FAF1: variants seen among roughly 807,000 people sequenced by gnomAD.
The protein encoded by FAF1 is Fas associated factor 1, also known as FAS-associated factor 1.
In FAF1, 25 loss-of-function variants were observed where a neutral mutation model predicts 92.5. That is an observed-to-expected ratio of 0.27 (90% CI 0.20 to 0.38). FAF1 has a LOEUF of 0.38. Ranked by LOEUF, FAF1 falls within the 10% of genes least tolerant of loss-of-function variation. The pLI, the probability that FAF1 is intolerant of heterozygous loss-of-function variation, is 1.00. For missense variants in FAF1, 636 were observed against 793.3 expected, an observed-to-expected ratio of 0.80 and a Z score of 2.38; for synonymous variants, 234 against 273.2, an observed-to-expected ratio of 0.86 and a Z score of 1.42.
At chr1:50,544,916 T>C (rs1237655707) in intron 13 of FAF1, among the ~76,000 whole-genome samples, 1 of 152,164 alleles carries the variant, frequency 6.6e-6, no homozygotes, top group Admixed American at 6.6e-5. Context: ...GGAAAGTATC[T>C]AGCATATTTG....
intron 5 of FAF1, among the ~76,000 whole-genome samples, chr1:50,742,694 T>C (rs973285959): frequency 1.3e-5 from 2 of 152,232 alleles, no homozygotes; most frequent in Non-Finnish European, 2.9e-5. Flanking sequence ...GACTGATTCA[T>C]ACCCACAGGT....
intron 1 of FAF1, among the ~76,000 whole-genome samples, chr1:50,915,653 C>A (rs116086296): frequency 3.0e-4 from 46 of 151,920 alleles, no homozygotes; most frequent in African/African-American, 1.1e-3. Flanking sequence ...CCACAAGGAA[C>A]CTCCCAGTTC....
At chr1:50,484,536 A>G (rs1646740980) in intron 17 of FAF1, among the ~76,000 whole-genome samples, 1 of 152,180 alleles carries the variant, frequency 6.6e-6, no homozygotes, top group South Asian at 2.1e-4. Flanking sequence ...AAGATAATTA[A>G]TGCCTATAAA....
At chr1:50,871,125 C>T (rs1254797888) in intron 1 of FAF1, among the ~76,000 whole-genome samples, 2 of 152,180 alleles carry the variant, frequency 1.3e-5, no homozygotes, top group Non-Finnish European at 2.9e-5. Flanking sequence ...TAATGCAGAG[C>T]AAGGACCAAA....
chr1:50,952,654 G>C (rs1336834385), intron 1 of FAF1, among the ~76,000 whole-genome samples: 1 of 152,074 alleles, frequency 6.6e-6, no homozygotes, highest in East Asian at 1.9e-4. Context: ...ATCCCGTCTA[G>C]GAAGTGAGGA....
intron 18 of FAF1, among the ~76,000 whole-genome samples, chr1:50,474,833 C>A (rs1198181421): frequency 6.6e-6 from 1 of 152,186 alleles, no homozygotes; most frequent in Non-Finnish European, 1.5e-5. Context: ...AGATTAAATA[C>A]AGAGCCTCTT....
At chr1:50,779,326 G>A (rs903560801) in intron 4 of FAF1, among the ~76,000 whole-genome samples, 9 of 152,094 alleles carry the variant, frequency 5.9e-5, no homozygotes, top group African/African-American at 2.2e-4. Context: ...TGTTCTTCAT[G>A]GTATCTTAGA....
intron 18 of FAF1, among the ~76,000 whole-genome samples, chr1:50,468,598 T>A (rs1447264967): frequency 2.0e-5 from 3 of 152,128 alleles, no homozygotes; most frequent in African/African-American, 7.2e-5. Flanking sequence ...TAGCTGGGAT[T>A]ACAGGCGCCT....
At chr1:50,934,753 A>T (rs1054086023) in intron 1 of FAF1, among the ~76,000 whole-genome samples, 1 of 152,208 alleles carries the variant, frequency 6.6e-6, no homozygotes, top group Non-Finnish European at 1.5e-5. Flanking sequence ...AAAAAATTTT[A>T]AAGTCTTCAC....
chr1:50,665,509 T>C (rs1436061627), intron 7 of FAF1, among the ~76,000 whole-genome samples: 1 of 152,208 alleles, frequency 6.6e-6, no homozygotes, highest in Non-Finnish European at 1.5e-5. Context: ...GTTATTAAAG[T>C]GATGAACCAG....
intron 18 of FAF1, among the ~76,000 whole-genome samples, chr1:50,445,069 T>C (rs1374265110): frequency 6.6e-6 from 1 of 152,220 alleles, no homozygotes; most frequent in Non-Finnish European, 1.5e-5. Flanking sequence ...GTAGGTTATC[T>C]GAGGTAGGGA....
chr1:50,466,092 T>C (rs1181750303), intron 18 of FAF1, among the ~76,000 whole-genome samples: 2 of 152,124 alleles, frequency 1.3e-5, no homozygotes, highest in African/African-American at 4.8e-5. Context: ...GGATCACAGA[T>C]GGAGGCAGAG....
At chr1:50,826,597 A>G (rs2124626978) in intron 2 of FAF1, among the ~76,000 whole-genome samples, 1 of 152,212 alleles carries the variant, frequency 6.6e-6, no homozygotes, top group East Asian at 1.9e-4. Context: ...TAAAATTAAT[A>G]CACCCTTGGC....
intron 2 of FAF1, among the ~76,000 whole-genome samples, chr1:50,836,658 CA>C (rs1644208139): frequency 6.6e-6 from 1 of 152,180 alleles, no homozygotes; most frequent in African/African-American, 2.4e-5. Context: ...CCTTTCTGGC[CA>C]AATACATATA....
Position 50,892,012 on chromosome 1 carries a change from C to G in FAF1, c.46-34015G>C, listed in dbSNP as rs1044520244. 2.0e-5 allele frequency among the ~76,000 whole-genome samples: 3 copies of G among 152,126 alleles called. No homozygotes were observed. The South Asian group carries it at 6.2e-4, about 31-fold the overall frequency. ...GAGCTGCAGTGGGGTCCACCCAGTT[C>G]GAGCTTCCCCGCCACTTTGTTTACC... On this transcript the variant is annotated intron_variant, in intron 1 of 18. Transcript: ENST00000396153.
intron 15 of FAF1, among the ~76,000 whole-genome samples, chr1:50,533,385 T>C (rs1002197945): frequency 2.0e-5 from 3 of 152,234 alleles, no homozygotes; most frequent in Admixed American, 6.5e-5. Context: ...CCAGGTTTTA[T>C]ATCATTGTAA....
chr1:50,954,623 C>T (rs1226618370), intron 1 of FAF1, among the ~76,000 whole-genome samples: 1 of 149,648 alleles, frequency 6.7e-6, no homozygotes, highest in Non-Finnish European at 1.5e-5. Context: ...TCACTGAAAC[C>T]TCCACCTCCC....
intron 9 of FAF1, among the ~76,000 whole-genome samples, chr1:50,590,739 T>C (rs910821130): frequency 4.6e-5 from 7 of 151,964 alleles, no homozygotes; most frequent in Non-Finnish European, 1.5e-5. Flanking sequence ...CCCAGCACTT[T>C]GGGAGGCTGA....
At chr1:50,911,577 G>A (rs1381090985) in intron 1 of FAF1, among the ~76,000 whole-genome samples, 1 of 151,832 alleles carries the variant, frequency 6.6e-6, no homozygotes, top group Non-Finnish European at 1.5e-5. Flanking sequence ...CCTGCCTGTA[G>A]TCTCAGCTAC....
Sources: gnomAD v4.1 joint callset for allele counts (sites outside exome capture counted in the v4.1 genomes callset) on GRCh38, gnomAD v4.1.1 for gene constraint, MANE v1.5 for transcripts, NCBI Gene and HGNC (gene_info 2026-07-23, HGNC 2026-07-21) for gene names.